Variants in CHST11 observed in about 807,000 individuals in gnomAD.
CHST11 encodes C4S-1.
A neutral mutation model predicts 30.4 loss-of-function variants in CHST11; 9 were observed. The observed-to-expected ratio is 0.30, with a 90% CI of 0.18 to 0.52. CHST11 has a LOEUF of 0.52. CHST11 is among the 20% of genes least tolerant of loss of function. The pLI is 0.97. For synonymous variants in CHST11, 152 were observed against 187.8 expected, an observed-to-expected ratio of 0.81 and a Z score of 1.56; for missense variants, 348 against 460.6, an observed-to-expected ratio of 0.76 and a Z score of 2.24.
chr12:104,725,352 G>A (rs2040208588), intron 2 of CHST11, among the ~76,000 whole-genome samples: 1 of 152,144 alleles, frequency 6.6e-6, no homozygotes, highest in African/African-American at 2.4e-5. Context: ...AAACAGCAGT[G>A]AAGACCTGGT....
At chr12:104,733,300 C>T (rs78323914) in intron 2 of CHST11, among the ~76,000 whole-genome samples, 346 of 152,310 alleles carry the variant, frequency 2.3e-3, no homozygotes, top group Non-Finnish European at 3.7e-3. Context: ...CAGAGTAGAT[C>T]CAAGATTTCC....
At position 104,758,872 on chromosome 12, in the gene CHST11, T is replaced by G. The variant is rs2040501561; in HGVS notation, c.*1069T>G. 6.6e-6 allele frequency: 1 copy of G among 152,246 alleles called. No individual in the cohort carries two copies. Among genetic ancestry groups the G allele is most frequent in the Non-Finnish European group, 1.5e-5 (1 of 68,050 alleles). The allele number at this position is 152,246 out of a possible 1,614,324, so 9.4% of individuals were successfully genotyped here. ...GATGCTAAAAAAATGTGTCCTATCA[T>G]GTGCCTGCTCCAACTGATGGGTAAT... is the stretch of plus-strand genomic sequence containing the variant. On this transcript the variant is annotated 3_prime_UTR_variant, in exon 3 of 3. Transcript: ENST00000303694.
intron 1 of CHST11, among the ~76,000 whole-genome samples, chr12:104,598,641 G>A (rs551210326): frequency 9.9e-5 from 15 of 152,282 alleles, no homozygotes; most frequent in East Asian, 1.9e-4. Context: ...GCAATATCAT[G>A]GGGAAAGTGA....
chr12:104,626,969 T>C (rs893767287), intron 2 of CHST11, among the ~76,000 whole-genome samples: 4 of 152,204 alleles, frequency 2.6e-5, no homozygotes, highest in Admixed American at 1.3e-4. Flanking sequence ...GTAGTTTCAC[T>C]GCCCCCAAAA....
chr12:104,748,351 G>A (rs1208560733), intron 2 of CHST11, among the ~76,000 whole-genome samples: 2 of 152,166 alleles, frequency 1.3e-5, no homozygotes, highest in East Asian at 1.9e-4. Flanking sequence ...TATAGGGGTC[G>A]AATTGTGTCC....
In CHST11 at chr12:104,676,112, G is replaced by A. The variant is rs1461921238; in HGVS notation, c.204+74121G>A. ...TTTTTGAGTCATGTATCTCATTTGA[G>A]CAAGAGATCAGCCTGCAGTTAGGGC... On this transcript the variant is annotated intron_variant, in intron 2 of 2. Transcript: ENST00000303694. This position sits in a 1 kb window ranked among gnomAD's most constrained non-coding sequence, Gnocchi z 4.4. Among the ~76,000 whole-genome samples, 2 of 152,186 alleles carry A rather than the reference G, an allele frequency of 1.3e-5. No individual in the cohort carries two copies. The highest frequency in any genetic ancestry group is 3.8e-4 in the East Asian group (2 of 5,198).
chr12:104,700,139 G>GT (rs922083360), intron 2 of CHST11, among the ~76,000 whole-genome samples: 34 of 152,012 alleles, frequency 2.2e-4, no homozygotes, highest in East Asian at 1.5e-3. Context: ...TACCCATCTG[G>GT]TTTTTTTTAA....
intron 2 of CHST11, among the ~76,000 whole-genome samples, chr12:104,690,016 A>G (rs977104869): frequency 6.6e-6 from 1 of 152,146 alleles, no homozygotes; most frequent in African/African-American, 2.4e-5. Flanking sequence ...TCTCAAGAAT[A>G]TTTTCAATTT....
intron 1 of CHST11, among the ~76,000 whole-genome samples, chr12:104,566,317 T>G (rs951143698): frequency 2.0e-5 from 3 of 152,196 alleles, no homozygotes; most frequent in Non-Finnish European, 2.9e-5. Flanking sequence ...TTGTCACTTG[T>G]GTGAAATTCT....
intron 1 of CHST11, among the ~76,000 whole-genome samples, chr12:104,587,961 A>G (rs996301203): frequency 1.3e-5 from 2 of 152,008 alleles, no homozygotes; most frequent in Non-Finnish European, 1.5e-5. Flanking sequence ...TTTCAAATCA[A>G]ATAAATTGTT....
At chr12:104,618,101 T>C (rs1835705703) in intron 2 of CHST11, among the ~76,000 whole-genome samples, 1 of 151,406 alleles carries the variant, frequency 6.6e-6, no homozygotes, top group Non-Finnish European at 1.5e-5. Context: ...TAGAGACGGG[T>C]TTTCACCACG....
chr12:104,489,621 G>A (rs1057084081), intron 1 of CHST11, among the ~76,000 whole-genome samples: 4 of 152,170 alleles, frequency 2.6e-5, no homozygotes, highest in Non-Finnish European at 5.9e-5. Context: ...TGGGACTACA[G>A]GCATGCACCA....
chr12:104,617,514 C>T (rs1014945001), intron 2 of CHST11, among the ~76,000 whole-genome samples: 3 of 152,062 alleles, frequency 2.0e-5, no homozygotes, highest in Non-Finnish European at 4.4e-5. Flanking sequence ...AATTTAGACC[C>T]CTACGTCCTG....
chr12:104,473,569 T>A (rs189504662), intron 1 of CHST11, among the ~76,000 whole-genome samples: 2 of 152,276 alleles, frequency 1.3e-5, no homozygotes, highest in African/African-American at 4.8e-5. Context: ...GAGACCCAAG[T>A]TCACTGTGTG....
Position 104,472,803 on chromosome 12 carries a change from G to A in CHST11, c.118+15274G>A, listed in dbSNP as rs138766834. On this transcript the variant is annotated intron_variant, in intron 1 of 2. Coordinates refer to ENST00000303694, the MANE Select transcript of CHST11 (RefSeq NM_018413.6). ...TGGTGGTGGTGATGGTGGTGGTTGT[G>A]GTGGTGGTGGTGGAAGGAAACCTTC... 3.0e-3 allele frequency among the ~76,000 whole-genome samples: 450 copies of A among 151,854 alleles called. 5 individuals are homozygous for A. The highest frequency in any genetic ancestry group is 0.01 in the African/African-American group (429 of 41,296).
intron 1 of CHST11, among the ~76,000 whole-genome samples, chr12:104,581,051 G>A (rs2038738409): frequency 6.6e-6 from 1 of 152,154 alleles, no homozygotes; most frequent in African/African-American, 2.4e-5. Context: ...TGTTTTTCTG[G>A]CCCTCCTGTT....
At chr12:104,616,717 G>C (rs2039111319) in intron 2 of CHST11, among the ~76,000 whole-genome samples, 1 of 152,186 alleles carries the variant, frequency 6.6e-6, no homozygotes, top group Non-Finnish European at 1.5e-5. Flanking sequence ...ACCTGCCTTG[G>C]CCTCCCAAAG....
chr12:104,604,542 G>T (rs184576274), intron 2 of CHST11, among the ~76,000 whole-genome samples: 1 of 152,310 alleles, frequency 6.6e-6, no homozygotes, highest in African/African-American at 2.4e-5. Flanking sequence ...GTTGAGGAGA[G>T]AAGGGAGTGA....
chr12:104,652,134 C>T lies in CHST11; in HGVS notation c.204+50143C>T, dbSNP rs2039496177. On this transcript the variant is annotated intron_variant, in intron 2 of 2. Coordinates refer to ENST00000303694, the MANE Select transcript of CHST11 (RefSeq NM_018413.6). ...GCTCCATGCCACGTTCCATCCTTCCCACCCACCCCCAGCTCTTAGAGACTC... is the reference window on the plus strand; with the variant it reads ...GCTCCATGCCACGTTCCATCCTTCCTACCCACCCCCAGCTCTTAGAGACTC... 2.0e-5 allele frequency among the ~76,000 whole-genome samples: 3 copies of T among 152,178 alleles called. No homozygotes were observed. The South Asian group carries it at 6.2e-4, about 31-fold the overall frequency.
Sources: allele counts gnomAD v4.1 joint callset (sites outside exome capture counted in the v4.1 genomes callset), GRCh38; gene constraint gnomAD v4.1.1; non-coding constraint Gnocchi (gnomAD v3.1); transcripts MANE v1.5; gene names NCBI Gene and HGNC (gene_info 2026-07-23, HGNC 2026-07-21).